The following SYT1 variants were observed in gnomAD, a reference collection of about 807,000 sequenced individuals.
SYT1 encodes synaptotagmin 1.
A neutral mutation model predicts 44.8 loss-of-function variants in SYT1; 8 were observed. The observed-to-expected ratio is 0.18, with a 90% CI of 0.10 to 0.32. The LOEUF is 0.32. Ranked by LOEUF, SYT1 falls within the 10% of genes least tolerant of loss-of-function variation. SYT1 has a pLI of 1.00. For missense variants in SYT1, 286 were observed against 509.3 expected, an observed-to-expected ratio of 0.56 and a Z score of 4.22; for synonymous variants, 154 against 188.8, an observed-to-expected ratio of 0.82 and a Z score of 1.51.
At chr12:79,211,940 A>G (rs927680789) in intron 3 of SYT1, among the ~76,000 whole-genome samples, 3 of 152,288 alleles carry the variant, frequency 2.0e-5, no homozygotes, top group African/African-American at 7.2e-5. Flanking sequence ...AGCCAGATTT[A>G]TAAATGAATA....
intron 4 of SYT1, among the ~76,000 whole-genome samples, chr12:79,238,175 T>A (rs189352106): frequency 6.6e-6 from 1 of 152,302 alleles, no homozygotes; most frequent in Non-Finnish European, 1.5e-5. Flanking sequence ...TAGGATACAT[T>A]TAGTGGTATG....
At chr12:79,088,737 CCT>C (rs1491205068) in intron 3 of SYT1, among the ~76,000 whole-genome samples, 1 of 115,192 alleles carries the variant, frequency 8.7e-6, no homozygotes, top group East Asian at 2.9e-4. Flanking sequence ...TGGCTTTGGG[CCT>C]GTGTGTGTGT....
intron 1 of SYT1, among the ~76,000 whole-genome samples, chr12:78,911,268 A>G (rs908567404): frequency 6.6e-6 from 1 of 151,984 alleles, no homozygotes; most frequent in African/African-American, 2.4e-5. Flanking sequence ...GATTTTGGAC[A>G]TGAATATGTG....
At chr12:79,082,738 AT>A in intron 3 of SYT1, among the ~76,000 whole-genome samples, 1 of 152,212 alleles carries the variant, frequency 6.6e-6, no homozygotes, top group Middle Eastern at 3.4e-3. Context: ...TAAGGCAAGA[AT>A]TTTTACTTCA....
intron 9 of SYT1, among the ~76,000 whole-genome samples, chr12:79,382,380 G>A (rs1298866895): frequency 6.6e-6 from 1 of 152,096 alleles, no homozygotes; most frequent in African/African-American, 2.4e-5. Context: ...ATGTTTAGGA[G>A]GTATCCTGAC....
intron 1 of SYT1, among the ~76,000 whole-genome samples, chr12:78,874,001 A>T (rs1433612918): frequency 1.3e-5 from 2 of 151,658 alleles, no homozygotes; most frequent in African/African-American, 4.8e-5. Flanking sequence ...AAGAATACAA[A>T]ATTATATGAA....
intron 2 of SYT1, among the ~76,000 whole-genome samples, chr12:78,991,448 C>T (rs1480416210): frequency 6.6e-6 from 1 of 152,014 alleles, no homozygotes; most frequent in Non-Finnish European, 1.5e-5. Flanking sequence ...AAAAACCTCA[C>T]AGTTAATTAA....
At chr12:78,965,986 A>G (rs1766860865) in intron 1 of SYT1, among the ~76,000 whole-genome samples, 1 of 151,634 alleles carries the variant, frequency 6.6e-6, no homozygotes, top group African/African-American at 2.4e-5. Context: ...CTGAGGCAGG[A>G]GAATCGCTTG....
intron 2 of SYT1, among the ~76,000 whole-genome samples, chr12:79,010,199 C>T (rs949129186): frequency 1.1e-4 from 16 of 152,036 alleles, no homozygotes; most frequent in Admixed American, 3.3e-4. Context: ...TGAAAAGAGA[C>T]CATGACAAGA....
intron 3 of SYT1, among the ~76,000 whole-genome samples, chr12:79,194,536 C>A (rs975924165): frequency 6.6e-6 from 1 of 151,924 alleles, no homozygotes; most frequent in Non-Finnish European, 1.5e-5. Flanking sequence ...CTCAAGCAAT[C>A]CCCCTGCCTC....
At chr12:79,098,732 C>G (rs537318836) in intron 3 of SYT1, among the ~76,000 whole-genome samples, 1 of 152,202 alleles carries the variant, frequency 6.6e-6, no homozygotes, top group South Asian at 2.1e-4. Flanking sequence ...AGGAGAAAAC[C>G]ACGTGTTAGC....
chr12:79,030,214 A>T (rs1872749117), intron 2 of SYT1, among the ~76,000 whole-genome samples: 1 of 151,112 alleles, frequency 6.6e-6, no homozygotes, highest in Non-Finnish European at 1.5e-5. Context: ...TTCTGAGTTT[A>T]TCACTGTTCT....
chr12:78,915,657 A>G (rs904726423), intron 1 of SYT1, among the ~76,000 whole-genome samples: 2 of 152,034 alleles, frequency 1.3e-5, no homozygotes, highest in African/African-American at 4.8e-5. Flanking sequence ...TATTTAAAAA[A>G]CAACAAAATT....
At chr12:79,117,068 C>T (rs779365683) in intron 3 of SYT1, among the ~76,000 whole-genome samples, 1 of 152,152 alleles carries the variant, frequency 6.6e-6, no homozygotes, top group Non-Finnish European at 1.5e-5. Context: ...TGAGTGTAGG[C>T]GTTCCTTCTT....
At position 78,993,009 on chromosome 12, in the gene SYT1, T is replaced by C. The variant is rs552909400; in HGVS notation, c.-84+15078T>C. Among the ~76,000 whole-genome samples the C allele has an allele frequency of 2.0e-3, 300 of 152,334 alleles. 1 individual carries two copies. Among genetic ancestry groups the C allele is most frequent in the African/African-American group, 7.0e-3 (291 of 41,588 alleles). ...TGTTTCCTCTACAAACTTTTACACTTGCTCTTTGGCATTTTTTTGTCAGCA... is the reference window on the plus strand; with the variant it reads ...TGTTTCCTCTACAAACTTTTACACTCGCTCTTTGGCATTTTTTTGTCAGCA... On this transcript the variant is annotated intron_variant, in intron 2 of 10. Coordinates refer to ENST00000261205, the MANE Select transcript of SYT1 (RefSeq NM_005639.3).
At chr12:79,302,736 C>T (rs975284684) in intron 8 of SYT1, among the ~76,000 whole-genome samples, 2 of 151,936 alleles carry the variant, frequency 1.3e-5, no homozygotes, top group Admixed American at 6.6e-5. Flanking sequence ...CACTGGTTTC[C>T]GTTCACTTGC....
At chr12:79,019,754 G>C (rs1218717984) in intron 2 of SYT1, among the ~76,000 whole-genome samples, 5 of 151,870 alleles carry the variant, frequency 3.3e-5, no homozygotes, top group African/African-American at 1.2e-4. Context: ...CTGCTGATTA[G>C]AGAAACCAGG....
chr12:79,111,357 G>A (rs898795170), intron 3 of SYT1, among the ~76,000 whole-genome samples: 7 of 151,850 alleles, frequency 4.6e-5, no homozygotes, highest in African/African-American at 9.7e-5. Flanking sequence ...TTCTCTTCCT[G>A]GAACACCCTT....
At chr12:79,374,959 A>T (rs1883932870) in intron 9 of SYT1, among the ~76,000 whole-genome samples, 1 of 152,228 alleles carries the variant, frequency 6.6e-6, no homozygotes, top group African/African-American at 2.4e-5. Context: ...GGTCTCTCGC[A>T]ACTAAATATT....
Sources: gnomAD v4.1 joint callset for allele counts (sites outside exome capture counted in the v4.1 genomes callset) on GRCh38, gnomAD v4.1.1 for gene constraint, MANE v1.5 for transcripts, NCBI Gene and HGNC (gene_info 2026-07-23, HGNC 2026-07-21) for gene names.